The following FURIN variants were observed in gnomAD, a reference collection of about 807,000 sequenced individuals.
The protein encoded by FURIN is FES upstream region.
A neutral mutation model predicts 89.2 loss-of-function variants in FURIN; 18 were observed. The ratio of observed to expected loss-of-function variants is 0.20; its 90% CI spans 0.14 to 0.30. FURIN has a LOEUF of 0.30. FURIN is among the 10% of genes least tolerant of loss of function. The pLI is 1.00. For missense variants in FURIN, 879 were observed against 1,100.5 expected (o/e 0.80, Z 2.85); for synonymous variants, 508 against 466.4 (o/e 1.09, Z -1.15).
At chr15:90,880,849 G>A in intron 14 of FURIN, 34 bp downstream of exon 14, 1 of 1,611,494 alleles carries the variant, frequency 6.2e-7, no homozygotes, top group Admixed American at 1.7e-5. Flanking sequence ...GGGGTACGAG[G>A]TGGAGGGCTG....
intron 6 of FURIN, 23 bp downstream of exon 6, chr15:90,877,234 C>T: frequency 6.5e-7 from 1 of 1,541,014 alleles, no homozygotes; most frequent in Non-Finnish European, 8.8e-7. Flanking sequence ...AGGCCCCGGT[C>T]TCTGCCTCCC....
intron 6 of FURIN, 66 bp downstream of exon 6, chr15:90,877,277 G>C: frequency 7.6e-7 from 1 of 1,321,314 alleles, no homozygotes; most frequent in African/African-American, 1.5e-5. Flanking sequence ...ACAGGGCTGA[G>C]CCTGGGTGAG....
At chr15:90,878,074 G>A (rs1444202443) in intron 7 of FURIN, 58 bp from the exon 8 acceptor site, 2 of 1,565,140 alleles carry the variant, frequency 1.3e-6, no homozygotes, top group East Asian at 2.2e-5. Context: ...CTTGGGGTGG[G>A]GGCCCTGACA....
intron 1 of FURIN, among the ~76,000 whole-genome samples, chr15:90,870,053 C>A (rs934014280): frequency 6.6e-6 from 1 of 152,232 alleles, no homozygotes; most frequent in African/African-American, 2.4e-5. Flanking sequence ...GACTTATCTT[C>A]CCGCTCAACT....
chr15:90,877,581 T>C lies in FURIN; in HGVS notation c.633T>C (p.Cys211=). 6.3e-7 allele frequency: 1 copy of C among 1,577,666 alleles called. No individual in the cohort carries two copies. The highest frequency in any genetic ancestry group is 8.6e-7 in the Non-Finnish European group (1 of 1,161,782). The change falls in exon 7 of 16, where the codon TGT becomes TGC. Residue 211 remains cysteine, a synonymous_variant. Transcript: ENST00000268171. ...CTGCGGTGGCCAACAACGGTGTCTG[T>C]GGTGTAGGTGTGGCCTACAACGCCC... The part of the protein sequence containing the change: ...EVAAVANNGV[C]GVGVAYNARI...
intron 9 of FURIN, 36 bp from the exon 10 acceptor site, chr15:90,879,408 C>A: frequency 6.9e-7 from 1 of 1,450,354 alleles, no homozygotes; most frequent in Non-Finnish European, 9.7e-7. Context: ...CCCCCTCCAC[C>A]CATCACAGGC....
At position 90,880,949 on chromosome 15, in the gene FURIN, C is replaced by A; in HGVS notation, c.1701C>A (p.Thr567=). Residue 567 remains threonine (T), a synonymous_variant, in exon 15 of 16, where the codon ACC becomes ACA. Transcript: ENST00000268171. The part of the protein sequence containing the change: ...ANNYGTLTKF[T]LVLYGTAPEG... ...GAACAGGGACGCTGACCAAGTTCAC[C>A]CTCGTACTCTATGGCACCGCCCCTG... is the stretch of plus-strand genomic sequence containing the variant. 6.2e-7 allele frequency: 1 copy of A among 1,613,984 alleles called. No individual in the cohort carries two copies. Among genetic ancestry groups the A allele is most frequent in the Non-Finnish European group, 8.5e-7 (1 of 1,179,898 alleles).
rs2031664392 is a variant in FURIN, at chr15:90,876,940, G to A, written c.417G>A (p.Ala139=). The change falls in exon 5 of 16, where the codon GCG becomes GCA. Residue 139 remains alanine (A), a synonymous_variant. Coordinates refer to ENST00000268171, the MANE Select transcript of FURIN (RefSeq NM_002569.4). The surrounding 1 kb of genome is among the most constrained non-coding windows in gnomAD (Gnocchi z 5.0). The part of the protein sequence containing the change: ...QRDLNVKAAW[A]QGYTGHGIVV... ...ACCTGAATGTGAAGGCGGCCTGGGC[G>A]CAGGGCTACACAGGGCACGGCATTG... 12 of 1,613,968 alleles carry A rather than the reference G, an allele frequency of 7.4e-6. No homozygotes were observed. The highest frequency in any genetic ancestry group is 7.6e-6 in the Non-Finnish European group (9 of 1,179,856).
At chr15:90,878,657 G>T in intron 8 of FURIN, 107 bp from the exon 9 acceptor site, 1 of 668,046 alleles carries the variant, frequency 1.5e-6, no homozygotes, top group Non-Finnish European at 2.6e-6. Context: ...GGGACAGGAG[G>T]TTCCCAGAGA....
At position 90,876,363 on chromosome 15, in the gene FURIN, GC is replaced by G; in HGVS notation, c.276+14del. 6.3e-7 allele frequency: 1 copy of G among 1,593,696 alleles called. No individual in the cohort carries two copies. The highest frequency in any genetic ancestry group is 8.6e-7 in the Non-Finnish European group (1 of 1,161,746). ...GCAGAGGGAGCCTCAAGTGAGTGTG[GC>G]CCCAGCCCCCTCCTGCTGCCACCCT... is the stretch of plus-strand genomic sequence containing the variant. On this transcript the variant is annotated intron_variant, in intron 3 of 15. Transcript: ENST00000268171. This position sits in a 1 kb window ranked among gnomAD's most constrained non-coding sequence, Gnocchi z 5.0.
In FURIN at chr15:90,875,755, C is replaced by T. The variant is rs765158197; in HGVS notation, c.15C>T (p.Pro5=). Residue 5 remains proline (P), a synonymous_variant, in exon 2 of 16, where the codon CCC becomes CCT. Transcript: ENST00000268171. MELR[P]WLLWVVAATG... The stretch of plus-strand genomic sequence containing the variant: ...CTGTCCCCCCCATGGAGCTGAGGCC[C>T]TGGTTGCTATGGGTGGTAGCAGCAA... The T allele has an allele frequency of 1.1e-5, 17 of 1,549,574 alleles. No individual in the cohort carries two copies. In the African/African-American group the frequency reaches 2.0e-4, roughly 19 times the overall value.
chr15:90,877,850 G>A (rs1445805090), intron 7 of FURIN, among the ~76,000 whole-genome samples: 1 of 152,228 alleles, frequency 6.6e-6, no homozygotes, highest in Non-Finnish European at 1.5e-5. Flanking sequence ...GAGTCCTCAC[G>A]TGGCAGATCC....
In FURIN at chr15:90,881,594, G is replaced by A; in HGVS notation, c.2101G>A (p.Gly701Arg). The change falls in exon 16 of 16, where the codon GGG (glycine) becomes AGG (arginine). Residue 701 changes from glycine (G) to arginine (R), a missense_variant. Physicochemically the swap from Gly to Arg is moderately radical, Grantham distance 125. Coordinates refer to ENST00000268171, the MANE Select transcript of FURIN (RefSeq NM_002569.4). The surrounding 1 kb of genome is among the most constrained non-coding windows in gnomAD (Gnocchi z 4.3). The stretch of plus-strand genomic sequence containing the variant: ...TCGGCTGCCCCCGGAGGTGGAGGCG[G>A]GGCAACGGCTGCGGGCAGGGCTGCT... ...PPRLPPEVEA[G>R]QRLRAGLLPS... is the part of the protein sequence containing the mutation. 1 of 1,607,400 alleles carries A rather than the reference G, an allele frequency of 6.2e-7. No individual in the cohort carries two copies. The highest frequency in any genetic ancestry group is 8.5e-7 in the Non-Finnish European group (1 of 1,175,942).
rs1257514119 is a variant in FURIN, at chr15:90,881,394, A to T, written c.1901A>T (p.Glu634Val). The change falls in exon 16 of 16, where the codon GAG becomes GTG. Residue 634 changes from glutamate to valine, a missense_variant. This residue lies in a region of FURIN where 457 missense variants were observed against 490.7 expected (regional missense o/e 0.93). Transcript: ENST00000268171. The surrounding 1 kb of genome is among the most constrained non-coding windows in gnomAD (Gnocchi z 4.3). ...DTHYSTENDV[E>V]TIRASVCAPC... ...CACTATAGCACCGAGAATGACGTGG[A>T]GACCATCCGGGCCAGCGTCTGCGCC... is the stretch of plus-strand genomic sequence containing the variant. 1 of 1,612,562 alleles carries T rather than the reference A, an allele frequency of 6.2e-7. No individual in the cohort carries two copies. Among genetic ancestry groups the T allele is most frequent in the Admixed American group, 1.7e-5 (1 of 59,974 alleles).
chr15:90,877,708 C>T lies in FURIN; in HGVS notation c.667+93C>T, dbSNP rs927380485. 4.6e-6 allele frequency: 4 copies of T among 872,878 alleles called. No homozygotes were observed. The African/African-American group carries it at 6.7e-5, about 15-fold the overall frequency. The allele number at this position is 872,878 out of a possible 1,614,324, so 54.1% of individuals were successfully genotyped here. ...CCATCTGGCCAATGCCTGCCACTTT[C>T]CCACTGTGGATCCTTTGATCACGTG... On this transcript the variant is annotated intron_variant, in intron 7 of 15. Transcript: ENST00000268171.
chr15:90,873,484 G>C (rs1453220315), intron 1 of FURIN, among the ~76,000 whole-genome samples: 1 of 152,198 alleles, frequency 6.6e-6, no homozygotes, highest in Non-Finnish European at 1.5e-5. Context: ...CACGGTGGTT[G>C]GTGGTGGTGG....
At chr15:90,874,429 G>A (rs909813174) in intron 1 of FURIN, among the ~76,000 whole-genome samples, 14 of 152,236 alleles carry the variant, frequency 9.2e-5, no homozygotes, top group African/African-American at 3.4e-4. Context: ...CGGCCCCAGC[G>A]TTCCCCAGGA....
At position 90,875,604 on chromosome 15, in the gene FURIN, G is replaced by A. The variant is rs1567082311; in HGVS notation, c.-137G>A. ...CAGGGTCGGCACTCTTCACCCTCCC[G>A]AGCCCTGCCCGTCTCGGCCCCATGC... On this transcript the variant is annotated 5_prime_UTR_variant, in exon 2 of 16. Coordinates refer to ENST00000268171, the MANE Select transcript of FURIN (RefSeq NM_002569.4). 1.2e-5 allele frequency: 8 copies of A among 687,062 alleles called. No individual in the cohort carries two copies. In the Admixed American group the frequency reaches 1.3e-4, roughly 11 times the overall value. 42.6% of individuals were successfully genotyped at this position (687,062 alleles called of 1,614,324 possible). A position where few individuals can be genotyped will look rare whatever the true frequency, so the allele number is the denominator to read the frequency against.
At position 90,881,905 on chromosome 15, in the gene FURIN, C is replaced by T. The variant is rs2032004184; in HGVS notation, c.*27C>T. The T allele has an allele frequency of 6.8e-7, 1 of 1,464,558 alleles. No individual in the cohort carries two copies. Among genetic ancestry groups the T allele is most frequent in the African/African-American group, 1.4e-5 (1 of 71,290 alleles). 90.7% of individuals were successfully genotyped at this position (1,464,558 alleles called of 1,614,324 possible). ...GAGCCCACTGCCCACCCCCTCAAGC[C>T]AATCCCCTCCTTGGGCACTTTTTAA... On this transcript the variant is annotated 3_prime_UTR_variant, in exon 16 of 16. Coordinates refer to ENST00000268171, the MANE Select transcript of FURIN (RefSeq NM_002569.4). This position sits in a 1 kb window ranked among gnomAD's most constrained non-coding sequence, Gnocchi z 4.3.
Sources: gnomAD v4.1 joint callset for allele counts (sites outside exome capture counted in the v4.1 genomes callset) on GRCh38, gnomAD v4.1.1 for gene constraint, gnomAD v4.1.1 regional missense constraint, Gnocchi (gnomAD v3.1) non-coding constraint, MANE v1.5 for transcripts, NCBI Gene and HGNC (gene_info 2026-07-23, HGNC 2026-07-21) for gene names.